Variants in SLC9A9 observed in about 807,000 individuals in gnomAD.
SLC9A9 encodes the protein sodium/hydrogen exchanger 9.
Under a neutral mutation model 77.8 loss-of-function variants are expected in SLC9A9, and 62 were observed. The ratio of observed to expected loss-of-function variants is 0.80; its 90% confidence interval spans 0.65 to 0.98. The LOEUF (loss-of-function observed/expected upper bound fraction) is 0.98, where lower values mean the gene tolerates loss of function less well. SLC9A9 is among the 50% of genes least tolerant of loss of function. The pLI, the probability that SLC9A9 is intolerant of heterozygous loss-of-function variation, is 0.00. For missense variants in SLC9A9, 775 were observed against 774.9 expected, an observed-to-expected ratio of 1.00 and a Z score of 0.00; for synonymous variants, 320 against 283.5, an observed-to-expected ratio of 1.13 and a Z score of -1.29.
At chr3:143,358,202 G>A (rs2032646817) in intron 14 of SLC9A9, among the ~76,000 whole-genome samples, 1 of 152,106 alleles carries the variant, frequency 6.6e-6, no homozygotes, top group Non-Finnish European at 1.5e-5. Flanking sequence ...TTCCTTGCCA[G>A]ACTCTTAAGA....
intron 5 of SLC9A9, among the ~76,000 whole-genome samples, chr3:143,666,441 C>A (rs1463816057): frequency 1.3e-5 from 2 of 152,180 alleles, no homozygotes; most frequent in East Asian, 3.8e-4. Flanking sequence ...GGGATGCCCT[C>A]TCTCACCACT....
intron 5 of SLC9A9, among the ~76,000 whole-genome samples, chr3:143,670,688 G>T (rs531303701): frequency 6.6e-6 from 1 of 152,256 alleles, no homozygotes; most frequent in South Asian, 2.1e-4. Context: ...CCACCAGGTG[G>T]TACTCTGTGT....
chr3:143,423,148 AAC>A (rs1199974343), intron 12 of SLC9A9, among the ~76,000 whole-genome samples: 2 of 152,012 alleles, frequency 1.3e-5, no homozygotes, highest in East Asian at 1.9e-4. Flanking sequence ...AAGGTATTAG[AAC>A]ACACACACAA....
At chr3:143,771,566 A>C (rs1211756615) in intron 4 of SLC9A9, among the ~76,000 whole-genome samples, 1 of 152,216 alleles carries the variant, frequency 6.6e-6, no homozygotes, top group Non-Finnish European at 1.5e-5. Flanking sequence ...GTACAGCTAA[A>C]GACGCTGAAT....
chr3:143,837,645 T>C (rs757100492), intron 1 of SLC9A9, among the ~76,000 whole-genome samples: 7 of 152,134 alleles, frequency 4.6e-5, no homozygotes, highest in Non-Finnish European at 7.4e-5. Flanking sequence ...TGTCCACCCC[T>C]CCACACATAG....
chr3:143,808,205 T>C lies in SLC9A9; in HGVS notation c.379-11302A>G, dbSNP rs182049762. On this transcript the variant is annotated intron_variant, in intron 2 of 15. Coordinates refer to ENST00000316549, the MANE Select transcript of SLC9A9 (RefSeq NM_173653.4). Reference sequence around the variant, plus strand: ...ACGTTGGTTTCCTCTCACTAGCACATATTCCACATGTCTAGAAAAATTGTT... The same window carrying C: ...ACGTTGGTTTCCTCTCACTAGCACACATTCCACATGTCTAGAAAAATTGTT... 1.3e-4 allele frequency among the ~76,000 whole-genome samples: 20 copies of C among 152,338 alleles called. No individual in the cohort carries two copies. The East Asian group carries it at 2.9e-3, about 22-fold the overall frequency.
chr3:143,762,130 G>A (rs2007147922), intron 4 of SLC9A9, among the ~76,000 whole-genome samples: 1 of 152,032 alleles, frequency 6.6e-6, no homozygotes, highest in Non-Finnish European at 1.5e-5. Flanking sequence ...TCATAGGTGG[G>A]AATTGAACAA....
chr3:143,847,252 C>T (rs1211204355), intron 1 of SLC9A9, among the ~76,000 whole-genome samples: 1 of 152,130 alleles, frequency 6.6e-6, no homozygotes, highest in Non-Finnish European at 1.5e-5. Flanking sequence ...TTGCCTGTTG[C>T]CATTGTGTTC....
rs1576716050 is a variant in SLC9A9, at chr3:143,772,830, T to C, written c.533+22171A>G. Among the ~76,000 whole-genome samples, 4 of 152,218 alleles carry C rather than the reference T, an allele frequency of 2.6e-5. No individual in the cohort carries two copies. In the South Asian group the frequency reaches 8.3e-4, roughly 32 times the overall value. ...AATTTCAGAAGCGTCATATCAGCTC[T>C]CCATTTCCATCTGCAGATTTCAGAG... On this transcript the variant is annotated intron_variant, in intron 4 of 15. Coordinates refer to ENST00000316549, the MANE Select transcript of SLC9A9 (RefSeq NM_173653.4).
At chr3:143,822,638 T>A (rs1489751242) in intron 2 of SLC9A9, among the ~76,000 whole-genome samples, 1 of 152,174 alleles carries the variant, frequency 6.6e-6, no homozygotes, top group Non-Finnish European at 1.5e-5. Flanking sequence ...AACAGGGAAA[T>A]GCAGCTGGGT....
In SLC9A9 at chr3:143,552,394, G is replaced by A; in HGVS notation, c.1057C>T (p.Leu353=). 5.0e-6 allele frequency: 8 copies of A among 1,613,016 alleles called. No homozygotes were observed. Among genetic ancestry groups the A allele is most frequent in the Non-Finnish European group, 6.8e-6 (8 of 1,179,484 alleles). ...GTTCTTATTTTGGAATCCGAAGACA[G>A]ATTGTTGTAGGTATAATGTGCTTGT... ...VTQAHYTYNN[L]SSDSKIRTKQ... The change falls in exon 9 of 16, where the codon CTG becomes TTG. Residue 353 remains leucine, a synonymous_variant. Coordinates refer to ENST00000316549, the MANE Select transcript of SLC9A9 (RefSeq NM_173653.4).
chr3:143,746,991 C>T (rs140835789), intron 4 of SLC9A9, among the ~76,000 whole-genome samples: 70 of 152,032 alleles, frequency 4.6e-4, no homozygotes, highest in African/African-American at 1.6e-3. Flanking sequence ...CTTTTTTCCC[C>T]CTCAAATGCC....
At chr3:143,380,571 G>A (rs1331631810) in intron 13 of SLC9A9, among the ~76,000 whole-genome samples, 18 of 152,206 alleles carry the variant, frequency 1.2e-4, no homozygotes, top group Non-Finnish European at 1.5e-5. Context: ...TAGCCCACCA[G>A]TGTAAGGAGA....
At chr3:143,652,177 T>A in intron 6 of SLC9A9, 78 bp downstream of exon 6, 1 of 1,199,690 alleles carries the variant, frequency 8.3e-7, no homozygotes, top group East Asian at 2.5e-5. Context: ...CCCGTATCTC[T>A]GTGACATAAG....
intron 14 of SLC9A9, among the ~76,000 whole-genome samples, chr3:143,311,962 T>A (rs2031034339): frequency 6.6e-6 from 1 of 152,270 alleles, no homozygotes; most frequent in Non-Finnish European, 1.5e-5. Flanking sequence ...TTAAATGGGT[T>A]AGATTTTTGT....
At chr3:143,556,774 T>G (rs1434312741) in intron 8 of SLC9A9, among the ~76,000 whole-genome samples, 1 of 152,242 alleles carries the variant, frequency 6.6e-6, no homozygotes, top group Non-Finnish European at 1.5e-5. Context: ...CAATCCTCGT[T>G]GATATTCTCT....
chr3:143,561,535 C>T (rs760958042), intron 8 of SLC9A9, among the ~76,000 whole-genome samples: 9 of 152,140 alleles, frequency 5.9e-5, no homozygotes, highest in East Asian at 1.9e-4. Context: ...GTAGGGTCCA[C>T]GCCTCTCAGC....
At chr3:143,600,033 T>A (rs181967991) in intron 6 of SLC9A9, among the ~76,000 whole-genome samples, 167 of 152,194 alleles carry the variant, frequency 1.1e-3, no homozygotes, top group African/African-American at 3.8e-3. Context: ...ATTAAAAAAT[T>A]TTTTTTATAA....
At chr3:143,745,502 A>G (rs1009915442) in intron 4 of SLC9A9, among the ~76,000 whole-genome samples, 4 of 152,212 alleles carry the variant, frequency 2.6e-5, no homozygotes. Context: ...AGAACACTAA[A>G]ATCATCCTTC....
Sources: gnomAD v4.1 joint callset for allele counts (sites outside exome capture counted in the v4.1 genomes callset) on GRCh38, gnomAD v4.1.1 for gene constraint, MANE v1.5 for transcripts, NCBI Gene and HGNC (gene_info 2026-07-23, HGNC 2026-07-21) for gene names.